The following PTPRS variants were observed in gnomAD, a reference collection of about 807,000 sequenced individuals.
PTPRS encodes the protein protein tyrosine phosphatase receptor type S, also known as receptor-type tyrosine-protein phosphatase S.
In PTPRS, 63 loss-of-function variants were observed where a neutral mutation model predicts 215.3. That is an observed-to-expected ratio of 0.29 (90% CI 0.24 to 0.36). PTPRS has a LOEUF of 0.36. Among genes scored for constraint, PTPRS ranks in the 10% least tolerant of loss-of-function variants. The pLI is 1.00. For missense variants in PTPRS, 2,258 were observed against 2,825.8 expected (o/e 0.80, Z 4.56); for synonymous variants, 1,404 against 1,191.4 (o/e 1.18, Z -3.68).
intron 1 of PTPRS, among the ~76,000 whole-genome samples, chr19:5,334,996 GGT>G (rs1214183561): frequency 4.6e-5 from 7 of 152,306 alleles, no homozygotes; most frequent in Admixed American, 3.9e-4. Flanking sequence ...TGATCACGGG[GGT>G]TAATTATAAG....
At chr19:5,303,820 A>G (rs1036820968) in intron 1 of PTPRS, among the ~76,000 whole-genome samples, 15 of 151,632 alleles carry the variant, frequency 9.9e-5, no homozygotes, top group Admixed American at 2.0e-4. Context: ...GTGTGGTGGT[A>G]TGCGCCTGTA....
At chr19:5,243,146 A>G (rs975223015) in intron 11 of PTPRS, among the ~76,000 whole-genome samples, 1 of 145,648 alleles carries the variant, frequency 6.9e-6, no homozygotes, top group Non-Finnish European at 1.5e-5. Flanking sequence ...TTTTTAATTT[A>G]ATTTTTTTGA....
intron 1 of PTPRS, among the ~76,000 whole-genome samples, chr19:5,333,599 T>G (rs1186183637): frequency 6.6e-6 from 1 of 152,018 alleles, no homozygotes; most frequent in East Asian, 1.9e-4. Flanking sequence ...CTTCTCTTCT[T>G]GTTTCCGCCC....
intron 1 of PTPRS, among the ~76,000 whole-genome samples, chr19:5,330,955 A>G (rs758982003): frequency 4.6e-5 from 7 of 152,002 alleles, no homozygotes; most frequent in Middle Eastern, 3.4e-3. Flanking sequence ...CCAATAATCA[A>G]TGGGGCAGTG....
chr19:5,217,552 A>T (rs923784352), intron 25 of PTPRS, among the ~76,000 whole-genome samples: 1 of 151,256 alleles, frequency 6.6e-6, no homozygotes, highest in Non-Finnish European at 1.5e-5. Context: ...AAAAAAAAAG[A>T]AAGTACATCA....
Position 5,260,864 on chromosome 19 carries a change from G to A in PTPRS, c.578-42C>T, listed in dbSNP as rs762748115. ...GAGAACCAGGTGAATGTCACAAGGC[G>A]GTTGTTGGGGGGCCGGGGGGCCCCA... On this transcript the variant is annotated intron_variant, in intron 6 of 37. Coordinates refer to ENST00000262963, the MANE Select transcript of PTPRS (RefSeq NM_002850.4). 3.9e-5 allele frequency: 60 copies of A among 1,541,872 alleles called. No individual in the cohort carries two copies. The Admixed American group carries it at 7.7e-4, about 20-fold the overall frequency.
chr19:5,255,647 G>A (rs971520312), intron 9 of PTPRS, among the ~76,000 whole-genome samples: 1 of 151,704 alleles, frequency 6.6e-6, no homozygotes, highest in Non-Finnish European at 1.5e-5. Context: ...CAGAACAGAA[G>A]ACGAGAAACA....
intron 1 of PTPRS, among the ~76,000 whole-genome samples, chr19:5,311,071 G>A (rs2049686351): frequency 6.6e-6 from 1 of 152,076 alleles, no homozygotes; most frequent in Non-Finnish European, 1.5e-5. Flanking sequence ...GTAGAGACGG[G>A]GTTTTACCCT....
chr19:5,248,254 C>T (rs1001654477), intron 9 of PTPRS, among the ~76,000 whole-genome samples: 76 of 151,518 alleles, frequency 5.0e-4, no homozygotes, highest in African/African-American at 1.8e-3. Flanking sequence ...ACGGTATCGA[C>T]GTCCAAAACA....
chr19:5,284,791 T>A (rs1292166824), intron 2 of PTPRS, among the ~76,000 whole-genome samples: 4 of 151,174 alleles, frequency 2.6e-5, no homozygotes, highest in Non-Finnish European at 5.9e-5. Flanking sequence ...TACAAAAAAT[T>A]AAAAAAATTA....
chr19:5,212,400 G>T lies in PTPRS; in HGVS notation c.4706C>A (p.Ala1569Asp), dbSNP rs1397448438. ...GVPEYPTPFL[A>D]FLRRVKTCNP... ...GCAGGTCTTGACTCTCCGCAGGAAA[G>T]CCAGGAAGGGCGTTGGGTATTCGGG... Residue 1569 changes from alanine (A) to aspartate (D), a missense_variant, in exon 31 of 38, where the codon GCT (alanine) becomes GAT (aspartate). Ala to Asp is a moderately radical substitution (Grantham distance 126, BLOSUM62 -2). Coordinates refer to ENST00000262963, the MANE Select transcript of PTPRS (RefSeq NM_002850.4). The T allele has an allele frequency of 1.2e-6, 2 of 1,606,584 alleles. No homozygotes were observed. The highest frequency in any genetic ancestry group is 1.7e-6 in the Non-Finnish European group (2 of 1,176,452).
At position 5,244,990 on chromosome 19, in the gene PTPRS, T is replaced by C. The variant is rs1485987491; in HGVS notation, c.989-508A>G. On this transcript the variant is annotated intron_variant, in intron 10 of 37. Coordinates refer to ENST00000262963, the MANE Select transcript of PTPRS (RefSeq NM_002850.4). The surrounding 1 kb of genome is among the most constrained non-coding windows in gnomAD (Gnocchi z 7.2). ...GCCTTTTTTTTCTTTTTTCTTTTTT[T>C]TTTTTTTTAGACGGAGCCTTGCTCT... Among the ~76,000 whole-genome samples the C allele has an allele frequency of 6.2e-5, 9 of 145,866 alleles. No individual in the cohort carries two copies. Among genetic ancestry groups the C allele is most frequent in the East Asian group, 2.1e-4 (1 of 4,732 alleles).
rs536910244 is a variant in PTPRS at position 5,331,805 on chromosome 19, TATTTA to T, written c.-95+8854_-95+8858del. On this transcript the variant is annotated intron_variant, in intron 1 of 37. Coordinates refer to ENST00000262963, the MANE Select transcript of PTPRS (RefSeq NM_002850.4). ...GGACAGCCGGCTTCCTTCTACGCAG[TATTTA>T]ATTTAAGTCAAGTTTATCATTATGA... is the stretch of plus-strand genomic sequence containing the variant. 1.2e-4 allele frequency among the ~76,000 whole-genome samples: 18 copies of T among 152,372 alleles called. 1 individual carries two copies. The South Asian group carries it at 2.1e-3, about 18-fold the overall frequency.
chr19:5,214,176 T>G (rs1370608901), intron 30 of PTPRS, among the ~76,000 whole-genome samples, 185 bp downstream of exon 30: 1 of 152,174 alleles, frequency 6.6e-6, no homozygotes, highest in Non-Finnish European at 1.5e-5. Context: ...ACAAGCAGTG[T>G]CCTCTCTGAG....
chr19:5,229,807 C>T (rs2042865028), intron 14 of PTPRS, 123 bp from the exon 15 acceptor site: 2 of 559,642 alleles, frequency 3.6e-6, no homozygotes, highest in East Asian at 3.8e-5. Context: ...TAACTGGGCG[C>T]TCTTAGCGCT....
intron 2 of PTPRS, among the ~76,000 whole-genome samples, chr19:5,284,821 G>A (rs1333004717): frequency 2.0e-5 from 3 of 151,954 alleles, no homozygotes; most frequent in East Asian, 1.9e-4. Flanking sequence ...GGTGGCCCAC[G>A]CCTGTAGTCC....
intron 32 of PTPRS, 87 bp downstream of exon 32, chr19:5,211,878 A>C: frequency 2.6e-6 from 4 of 1,567,534 alleles, no homozygotes; most frequent in Non-Finnish European, 3.5e-6. Flanking sequence ...ACCACCTTCT[A>C]GTCCCCATTG....
intron 7 of PTPRS, among the ~76,000 whole-genome samples, chr19:5,259,518 C>T (rs1432453830): frequency 6.6e-6 from 1 of 152,106 alleles, no homozygotes. Context: ...TGAGTGCCCA[C>T]AAATAAAAAA....
At chr19:5,307,403 TTA>T (rs1401813361) in intron 1 of PTPRS, among the ~76,000 whole-genome samples, 3 of 145,894 alleles carry the variant, frequency 2.1e-5, no homozygotes, top group African/African-American at 7.3e-5. Context: ...TATCTTAGTG[TTA>T]TGAGATCAGT....
Sources: allele counts gnomAD v4.1 joint callset (sites outside exome capture counted in the v4.1 genomes callset), GRCh38; gene constraint gnomAD v4.1.1; non-coding constraint Gnocchi (gnomAD v3.1); transcripts MANE v1.5; gene names NCBI Gene and HGNC (gene_info 2026-07-23, HGNC 2026-07-21).